Variants in TBL1XR1 observed in about 807,000 individuals in gnomAD.
TBL1XR1 encodes F-box-like/WD repeat-containing protein TBL1XR1.
In TBL1XR1, 5 loss-of-function variants were observed where a neutral mutation model predicts 66.9. The ratio of observed to expected loss-of-function variants is 0.07; its 90% CI spans 0.04 to 0.16. The LOEUF (loss-of-function observed/expected upper bound fraction) is 0.16, where lower values mean the gene tolerates loss of function less well. Ranked by LOEUF, TBL1XR1 falls within the 10% of genes least tolerant of loss-of-function variation. The probability of loss-of-function intolerance (pLI) is 1.00; values close to 1 mark genes in which losing one functional copy is unlikely to be tolerated. For synonymous variants in TBL1XR1, 210 were observed against 206.0 expected (o/e 1.02, Z -0.17); for missense variants, 238 against 623.2 (o/e 0.38, Z 6.58).
At chr3:177,049,933 G>GT in intron 7 of TBL1XR1, 64 bp downstream of exon 7, 1 of 1,559,478 alleles carries the variant, frequency 6.4e-7, no homozygotes, top group Admixed American at 1.8e-5. Context: ...CCTGCCGTGA[G>GT]TATGAGGCTC....
At chr3:177,027,527 T>G (rs1713313386) in intron 14 of TBL1XR1, 1 of 152,194 alleles carries the variant, frequency 6.6e-6, no homozygotes, top group Non-Finnish European at 1.5e-5. Context: ...CTGAAATATA[T>G]GCTTCAGGTG....
intron 1 of TBL1XR1, among the ~76,000 whole-genome samples, chr3:177,100,846 T>C (rs1724109717): frequency 6.8e-6 from 1 of 147,932 alleles, no homozygotes; most frequent in Non-Finnish European, 1.5e-5. Context: ...GGCTCTGCTA[T>C]TTTCTTTTTC....
chr3:177,035,605 G>T (rs1262718153), intron 12 of TBL1XR1, among the ~76,000 whole-genome samples: 1 of 152,020 alleles, frequency 6.6e-6, no homozygotes, highest in African/African-American at 2.4e-5. Context: ...GCAGAGATGG[G>T]GTTTCACCAT....
chr3:177,059,359 A>T (rs570134457), intron 3 of TBL1XR1, among the ~76,000 whole-genome samples: 12 of 152,226 alleles, frequency 7.9e-5, no homozygotes, highest in Non-Finnish European at 1.5e-4. Flanking sequence ...CAATGAAACA[A>T]AAAAATGAAT....
chr3:177,107,208 T>C (rs1724991490), intron 1 of TBL1XR1, among the ~76,000 whole-genome samples: 1 of 152,190 alleles, frequency 6.6e-6, no homozygotes, highest in Middle Eastern at 3.2e-3. Context: ...TACATTAAAC[T>C]AGATATTAGG....
intron 14 of TBL1XR1, among the ~76,000 whole-genome samples, chr3:177,028,035 TG>T (rs1247682188): frequency 6.6e-6 from 1 of 152,170 alleles, no homozygotes; most frequent in African/African-American, 2.4e-5. Context: ...TCTCTAAGCT[TG>T]AACTGGGCTA....
intron 5 of TBL1XR1, among the ~76,000 whole-genome samples, chr3:177,050,990 C>A (rs1214668301): frequency 6.6e-6 from 1 of 151,882 alleles, no homozygotes; most frequent in African/African-American, 2.4e-5. Flanking sequence ...TGCCTTTTAT[C>A]TCGATGTCAG....
At chr3:177,199,319 CAG>C (rs1457174164), upstream of TBL1XR1, among the ~76,000 whole-genome samples, 1 of 151,788 alleles carries the variant, frequency 6.6e-6, no homozygotes, top group African/African-American at 2.4e-5. Flanking sequence ...TTGTTTACCT[CAG>C]AACTAACACC....
At chr3:177,129,379 T>C (rs369203978) in intron 1 of TBL1XR1, among the ~76,000 whole-genome samples, 54 of 152,320 alleles carry the variant, frequency 3.5e-4, no homozygotes, top group African/African-American at 1.2e-3. Context: ...CATTAAAAAG[T>C]GCTCAACCTC....
upstream of TBL1XR1, among the ~76,000 whole-genome samples, chr3:177,198,124 A>G (rs1383347117): frequency 6.6e-6 from 1 of 152,128 alleles, no homozygotes; most frequent in Non-Finnish European, 1.5e-5. Context: ...GTGCGTAAAT[A>G]CATATGGTTC....
chr3:177,057,202 G>C (rs553985424), intron 3 of TBL1XR1, among the ~76,000 whole-genome samples: 13 of 152,162 alleles, frequency 8.5e-5, no homozygotes, highest in Non-Finnish European at 1.8e-4. Flanking sequence ...ATGCCTCTGA[G>C]CCTTATGTCC....
intron 1 of TBL1XR1, among the ~76,000 whole-genome samples, chr3:177,130,852 G>A (rs1414598348): frequency 1.3e-5 from 2 of 152,016 alleles, no homozygotes; most frequent in East Asian, 3.9e-4. Flanking sequence ...GGGTTTAGAG[G>A]TACTGTGAAA....
intron 1 of TBL1XR1, among the ~76,000 whole-genome samples, chr3:177,132,755 A>G (rs1413917539): frequency 2.0e-5 from 3 of 152,156 alleles, no homozygotes; most frequent in Admixed American, 1.3e-4. Context: ...GATTCCCACA[A>G]AAGTAAGGGT....
chr3:177,066,922 T>C, intron 2 of TBL1XR1, among the ~76,000 whole-genome samples: 1 of 152,144 alleles, frequency 6.6e-6, no homozygotes, highest in East Asian at 1.9e-4. Flanking sequence ...CCAAAAAAAT[T>C]AATTCAAAGA....
intron 1 of TBL1XR1, among the ~76,000 whole-genome samples, chr3:177,106,334 AG>A (rs1196305369): frequency 2.0e-5 from 3 of 152,214 alleles, no homozygotes; most frequent in East Asian, 3.8e-4. Context: ...TGATTCATCA[AG>A]GAAGTTCTAG....
rs35566193 is a variant in TBL1XR1 at position 177,156,518 on chromosome 3, TACACACACAC to T, written c.-122+40593_-122+40602del. Among the ~76,000 whole-genome samples the T allele has an allele frequency of 2.9e-3, 402 of 139,732 alleles. 1 individual carries two copies. The highest frequency in any genetic ancestry group is 6.1e-3 in the African/African-American group (231 of 38,046). The allele number at this position is 139,732 out of a possible 152,430, so 91.7% of individuals were successfully genotyped here. A position where few individuals can be genotyped will look rare whatever the true frequency, so the allele number is the denominator to read the frequency against. On this transcript the variant is annotated intron_variant, in intron 1 of 15. Transcript: ENST00000457928. ...AAAAAAAAAAAATTATATATATACATACACACACACACACACACACACACACACACTTATA... is the reference window on the plus strand; with the variant it reads ...AAAAAAAAAAAATTATATATATACATACACACACACACACACACACTTATA...
intron 1 of TBL1XR1, among the ~76,000 whole-genome samples, chr3:177,109,779 A>C (rs1449163690): frequency 6.6e-6 from 1 of 152,074 alleles, no homozygotes; most frequent in Admixed American, 6.6e-5. Context: ...TGGGGGGAAG[A>C]GAGGTGAAAG....
chr3:177,171,069 G>A (rs980192761), intron 1 of TBL1XR1, among the ~76,000 whole-genome samples: 19 of 152,076 alleles, frequency 1.2e-4, no homozygotes, highest in Non-Finnish European at 2.1e-4. Context: ...ATCCAGGCGC[G>A]GTGGCTCACG....
At chr3:177,075,290 A>T (rs544370673) in intron 2 of TBL1XR1, among the ~76,000 whole-genome samples, 1 of 152,316 alleles carries the variant, frequency 6.6e-6, no homozygotes, top group South Asian at 2.1e-4. Flanking sequence ...TTTACGTGGC[A>T]TTCTCCTCTT....
Sources: gnomAD v4.1 joint callset for allele counts (sites outside exome capture counted in the v4.1 genomes callset) on GRCh38, gnomAD v4.1.1 for gene constraint, MANE v1.5 for transcripts, NCBI Gene and HGNC (gene_info 2026-07-23, HGNC 2026-07-21) for gene names.